The following ATAD1 variants were observed in gnomAD, a reference collection of about 807,000 sequenced individuals.
ATAD1 encodes the protein outer mitochondrial transmembrane helix translocase.
ATAD1 carries 18 observed loss-of-function variants against 42.7 expected under a neutral mutation model. The ratio of observed to expected loss-of-function variants is 0.42; its 90% CI spans 0.29 to 0.63. The LOEUF (loss-of-function observed/expected upper bound fraction) is 0.63, where lower values mean the gene tolerates loss of function less well. Ranked by LOEUF, ATAD1 falls within the 20% of genes least tolerant of loss-of-function variation. ATAD1 has a pLI of 0.19. For synonymous variants in ATAD1, 132 were observed against 143.1 expected (o/e 0.92, Z 0.55); for missense variants, 294 against 440.4 (o/e 0.67, Z 2.98).
At chr10:87,758,854 T>C (rs973274491) in intron 8 of ATAD1, among the ~76,000 whole-genome samples, 8 of 152,258 alleles carry the variant, frequency 5.3e-5, no homozygotes, top group African/African-American at 1.4e-4. Context: ...CATATAAAAA[T>C]GGGCAAATTC....
In ATAD1 at chr10:87,788,863, ATCAT is replaced by A. The variant is rs1448498656; in HGVS notation, c.382+1443_382+1446del. ...TACATTTTTGATCTGGGCTCAAATA[ATCAT>A]TCAAAGTTTTTTTTGCGGCAGGGGG... On this transcript the variant is annotated intron_variant, in intron 4 of 9. Coordinates refer to ENST00000680024, the MANE Select transcript of ATAD1 (RefSeq NM_001321967.2). Among the ~76,000 whole-genome samples, 5 of 152,342 alleles carry A rather than the reference ATCAT, an allele frequency of 3.3e-5. No individual in the cohort carries two copies. The South Asian group carries it at 1.0e-3, about 32-fold the overall frequency.
chr10:87,793,535 A>G (rs912404616), intron 2 of ATAD1, among the ~76,000 whole-genome samples: 3 of 152,238 alleles, frequency 2.0e-5, no homozygotes, highest in African/African-American at 7.2e-5. Context: ...ACTGAAGTTT[A>G]GCATGATTAA....
chr10:87,814,512 T>C lies in ATAD1; in HGVS notation c.88A>G (p.Thr30Ala). ...ACCATCCATTTGATAGTAAAGTATG[T>C]CACTGCACCAAATATTGTCAAACGG... ...IFRLTIFGAV[T>A]YFTIKWMVDA... is the part of the protein sequence containing the mutation. The change falls in exon 2 of 10, where the codon ACA becomes GCA. Residue 30 changes from threonine (T) to alanine (A), a missense_variant. Transcript: ENST00000680024. 1.2e-6 allele frequency: 2 copies of C among 1,612,288 alleles called. No homozygotes were observed. The highest frequency in any genetic ancestry group is 1.7e-6 in the Non-Finnish European group (2 of 1,179,156).
intron 5 of ATAD1, among the ~76,000 whole-genome samples, chr10:87,778,644 T>C (rs1289138404): frequency 6.6e-6 from 1 of 152,236 alleles, no homozygotes. Flanking sequence ...AGTTTTCCAC[T>C]TGTGGCATCA....
At chr10:87,785,362 AATAAT>A (rs1424712284) in intron 4 of ATAD1, among the ~76,000 whole-genome samples, 2 of 149,820 alleles carry the variant, frequency 1.3e-5, no homozygotes, top group African/African-American at 4.9e-5. Context: ...TTCTAAATTT[AATAAT>A]ATTAAATATA....
intron 2 of ATAD1, among the ~76,000 whole-genome samples, chr10:87,794,187 T>G (rs1856266875): frequency 6.6e-6 from 1 of 152,148 alleles, no homozygotes; most frequent in South Asian, 2.1e-4. Flanking sequence ...GCCACTGCAT[T>G]CCAGCCTGGA....
At chr10:87,784,410 G>T (rs563296323) in intron 5 of ATAD1, 60 bp downstream of exon 5, 7 of 1,500,906 alleles carry the variant, frequency 4.7e-6, no homozygotes, top group Non-Finnish European at 6.4e-6. Context: ...ACTAAATCTG[G>T]TTATCTAAAT....
chr10:87,796,802 T>C (rs540644013), intron 2 of ATAD1, among the ~76,000 whole-genome samples: 2 of 152,314 alleles, frequency 1.3e-5, no homozygotes, highest in African/African-American at 2.4e-5. Context: ...CTCAAACCGA[T>C]AGTACTATTT....
In ATAD1 at chr10:87,766,523, T is replaced by C. The variant is rs190299852; in HGVS notation, c.831+1150A>G. Among the ~76,000 whole-genome samples the C allele has an allele frequency of 3.9e-5, 6 of 152,290 alleles. 1 individual carries two copies. Among genetic ancestry groups the C allele is most frequent in the Admixed American group, 3.9e-4 (6 of 15,292 alleles). The stretch of plus-strand genomic sequence containing the variant: ...CAGAACAGTGTGTATGTGTTATTGA[T>C]AGTTTATATAAAAAATAAGTAAATA... On this transcript the variant is annotated intron_variant, in intron 8 of 9. Coordinates refer to ENST00000680024, the MANE Select transcript of ATAD1 (RefSeq NM_001321967.2).
At chr10:87,790,774 T>G (rs556946853) in intron 3 of ATAD1, among the ~76,000 whole-genome samples, 31 of 152,242 alleles carry the variant, frequency 2.0e-4, no homozygotes, top group Admixed American at 1.8e-3. Context: ...CACTGGCTGA[T>G]GGGAAAGAGC....
chr10:87,813,607 A>G (rs1210014049), intron 2 of ATAD1, among the ~76,000 whole-genome samples: 1 of 152,098 alleles, frequency 6.6e-6, no homozygotes. Flanking sequence ...AATAGCCTAT[A>G]GCATTTTGAA....
chr10:87,767,360 A>C (rs1854804754), intron 8 of ATAD1, among the ~76,000 whole-genome samples: 1 of 152,150 alleles, frequency 6.6e-6, no homozygotes. Flanking sequence ...ATTCAAGTGC[A>C]TTACATTTAT....
chr10:87,818,314 G>T, upstream of ATAD1: 1 of 956,040 alleles, frequency 1.0e-6, no homozygotes, highest in Non-Finnish European at 1.2e-6. Context: ...CGCGGAGGGG[G>T]CGTGCTCCCA....
chr10:87,779,136 T>C (rs1855452846), intron 5 of ATAD1, among the ~76,000 whole-genome samples: 1 of 151,692 alleles, frequency 6.6e-6, no homozygotes, highest in South Asian at 2.1e-4. Context: ...TCATCTCTAC[T>C]AAAAATACAA....
At chr10:87,757,274 C>CAAA (rs59618486) in intron 8 of ATAD1, among the ~76,000 whole-genome samples, 42 of 122,534 alleles carry the variant, frequency 3.4e-4, no homozygotes, top group South Asian at 5.3e-4. Flanking sequence ...GAGTCCATTA[C>CAAA]AAAAAAAAAA....
chr10:87,802,451 C>A (rs1430255466), intron 2 of ATAD1, among the ~76,000 whole-genome samples: 2 of 152,074 alleles, frequency 1.3e-5, no homozygotes, highest in East Asian at 3.8e-4. Context: ...CTGGGCTTGG[C>A]TTTAAAAAAG....
intron 6 of ATAD1, among the ~76,000 whole-genome samples, chr10:87,774,155 TG>T (rs1372453683): frequency 6.6e-6 from 1 of 152,188 alleles, no homozygotes; most frequent in African/African-American, 2.4e-5. Context: ...GCTAATGCGG[TG>T]GGCTTAAGGG....
At chr10:87,764,870 A>G (rs1460516501) in intron 8 of ATAD1, among the ~76,000 whole-genome samples, 2 of 151,852 alleles carry the variant, frequency 1.3e-5, no homozygotes, top group African/African-American at 2.4e-5. Context: ...CCTATAACCT[A>G]TAAATTAAAA....
At chr10:87,833,744 T>C (rs2132114168) in intron 1 of ATAD1, among the ~76,000 whole-genome samples, 1 of 149,658 alleles carries the variant, frequency 6.7e-6, no homozygotes, top group South Asian at 2.1e-4. Context: ...TTTTTTTTTT[T>C]TTTGATAGAG....
Sources: gnomAD v4.1 joint callset for allele counts (sites outside exome capture counted in the v4.1 genomes callset) on GRCh38, gnomAD v4.1.1 for gene constraint, MANE v1.5 for transcripts, NCBI Gene and HGNC (gene_info 2026-07-23, HGNC 2026-07-21) for gene names.